Variants in CCDC28A observed in about 807,000 individuals in gnomAD.
CCDC28A encodes the protein coiled-coil domain-containing protein 28A.
In CCDC28A, 24 loss-of-function variants were observed where a neutral mutation model predicts 22.1. That is an observed-to-expected ratio of 1.09 (90% CI 0.79 to 1.53). CCDC28A has a LOEUF of 1.53. Among genes scored for constraint, CCDC28A ranks in the 40% most tolerant of loss-of-function variants. The pLI, the probability that CCDC28A is intolerant of heterozygous loss-of-function variation, is 0.00. For synonymous variants in CCDC28A, 83 were observed against 74.7 expected, an observed-to-expected ratio of 1.11 and a Z score of -0.57; for missense variants, 170 against 210.7, an observed-to-expected ratio of 0.81 and a Z score of 1.20.
At chr6:138,788,431 C>T (rs755300304) in intron 5 of CCDC28A, 43 bp downstream of exon 5, 14 of 1,000,990 alleles carry the variant, frequency 1.4e-5, no homozygotes, top group Non-Finnish European at 1.9e-5. Flanking sequence ...TTACAACTTA[C>T]AATTTCTGGT....
intron 2 of CCDC28A, among the ~76,000 whole-genome samples, chr6:138,779,111 A>G (rs1328167208): frequency 1.3e-5 from 2 of 152,154 alleles, no homozygotes; most frequent in African/African-American, 4.8e-5. Context: ...ATCTGATTTT[A>G]CTTTTTGGAA....
chr6:138,782,536 G>A (rs1438217167), intron 3 of CCDC28A, among the ~76,000 whole-genome samples: 1 of 129,474 alleles, frequency 7.7e-6, no homozygotes, highest in Admixed American at 9.4e-5. Context: ...ACCTAGATCC[G>A]TCCTCTGACT....
At chr6:138,788,282 T>C in intron 4 of CCDC28A, 84 bp from the exon 5 acceptor site, 1 of 520,332 alleles carries the variant, frequency 1.9e-6, no homozygotes, top group South Asian at 3.6e-5. Context: ...AAATGAAAAA[T>C]AATTTATTTA....
At chr6:138,790,017 A>G (rs1775146854) in intron 5 of CCDC28A, among the ~76,000 whole-genome samples, 1 of 152,226 alleles carries the variant, frequency 6.6e-6, no homozygotes, top group Admixed American at 6.5e-5. Flanking sequence ...TTGTCAAGAA[A>G]GAGTTAAAGA....
In CCDC28A at chr6:138,776,099, G is replaced by T; in HGVS notation, c.-22G>T. On this transcript the variant is annotated 5_prime_UTR_variant, in exon 2 of 6. Coordinates refer to ENST00000617445, the MANE Select transcript of CCDC28A (RefSeq NM_015439.3). ...TTTAGGTCTTAAGAAGCTGGCCGTG[G>T]TGCAATAAGGAACTTAAAACAATGG... is the stretch of plus-strand genomic sequence containing the variant. The T allele has an allele frequency of 1.2e-6, 2 of 1,613,912 alleles. No individual in the cohort carries two copies. The highest frequency in any genetic ancestry group is 1.7e-6 in the Non-Finnish European group (2 of 1,179,864).
At chr6:138,790,691 C>T (rs1775158447) in intron 5 of CCDC28A, among the ~76,000 whole-genome samples, 6 of 152,194 alleles carry the variant, frequency 3.9e-5, no homozygotes. Flanking sequence ...CTTTCCCCTC[C>T]TAATTTCCCT....
At chr6:138,792,642 T>C (rs1775188852) in intron 5 of CCDC28A, 107 bp from the exon 6 acceptor site, 3 of 734,826 alleles carry the variant, frequency 4.1e-6, no homozygotes, top group Non-Finnish European at 7.1e-6. Flanking sequence ...CCTTTGAACA[T>C]ATCTCTTTTT....
intron 5 of CCDC28A, among the ~76,000 whole-genome samples, 175 bp downstream of exon 5, chr6:138,788,563 C>CTTTTTTTTTT (rs1775126559): frequency 1.1e-5 from 1 of 91,746 alleles, no homozygotes; most frequent in African/African-American, 4.1e-5. Context: ...TCTCTTTTTT[C>CTTTTTTTTTT]TTTTCTTTTT....
At chr6:138,790,817 GATATGA>G (rs1775159409) in intron 5 of CCDC28A, among the ~76,000 whole-genome samples, 1 of 152,146 alleles carries the variant, frequency 6.6e-6, no homozygotes, top group Non-Finnish European at 1.5e-5. Flanking sequence ...CCTGGATCTG[GATATGA>G]AGTCTGTTTG....
chr6:138,787,588 A>T (rs1048366081), intron 4 of CCDC28A, among the ~76,000 whole-genome samples: 87 of 151,852 alleles, frequency 5.7e-4, no homozygotes, highest in Non-Finnish European at 2.5e-4. Flanking sequence ...TAAAATGGCA[A>T]TTTTTTTTCT....
rs202215382 is a variant in CCDC28A at position 138,792,741 on chromosome 6, T to G, written c.501-8T>G. 1.3e-6 allele frequency: 2 copies of G among 1,582,902 alleles called. No homozygotes were observed. The highest frequency in any genetic ancestry group is 1.1e-5 in the South Asian group (1 of 90,362). On this transcript the variant is annotated splice_polypyrimidine_tract_variant and splice_region_variant and intron_variant, in intron 5 of 5. Coordinates refer to ENST00000617445, the MANE Select transcript of CCDC28A (RefSeq NM_015439.3). ...TAGAATGAAAATCTTCTTAACTGAT[T>G]AATTCAGACAAAAACTCCATTTGGC...
Position 138,785,400 on chromosome 6 carries a change from C to T in CCDC28A, c.477+19C>T, listed in dbSNP as rs141328613. ...GTCAGATGTAAGTGTAATTCTTTTT[C>T]TTTGTTCTTTAAAAAAAAATTTTTG... On this transcript the variant is annotated intron_variant, in intron 4 of 5. Coordinates refer to ENST00000617445, the MANE Select transcript of CCDC28A (RefSeq NM_015439.3). 38,873 of 1,573,700 alleles carry T rather than the reference C, an allele frequency of 0.025. 557 individuals are homozygous for T. The highest frequency in any genetic ancestry group is 0.029 in the Non-Finnish European group (33,800 of 1,161,920).
chr6:138,778,169 C>T (rs1010300209), intron 2 of CCDC28A, among the ~76,000 whole-genome samples: 7 of 152,110 alleles, frequency 4.6e-5, no homozygotes, highest in African/African-American at 1.4e-4. Context: ...ACCTACTTTC[C>T]CTGGGCATAT....
rs1435320758 is a variant in CCDC28A at position 138,776,272 on chromosome 6, T to A, written c.152T>A (p.Leu51Ter). 1.9e-6 allele frequency: 3 copies of A among 1,611,104 alleles called. No homozygotes were observed. Among genetic ancestry groups the A allele is most frequent in the Non-Finnish European group, 2.5e-6 (3 of 1,177,378 alleles). ...CAGTCAACTTCACAGCGACCAAAGT[T>A]AAAAAGGTGAATTCTTTTATTTTAC... Reference protein sequence around the residue: ...ASQSTSQRPKLKRVMKEKTKP... With the variant: ...ASQSTSQRPK Residue 51 changes from leucine (L) to a stop codon, truncating the protein, a stop_gained, in exon 2 of 6, where the codon TTA becomes TAA. Transcript: ENST00000617445. LOFTEE classifies it high-confidence loss of function.
intron 1 of CCDC28A, among the ~76,000 whole-genome samples, chr6:138,774,114 G>GT (rs1774887946): frequency 6.6e-6 from 1 of 152,132 alleles, no homozygotes; most frequent in Non-Finnish European, 1.5e-5. Flanking sequence ...ACTATGAGCA[G>GT]TTTACTTATT....
rs1242439682 is a variant in CCDC28A at position 138,792,827 on chromosome 6, G to A, written c.*24G>A. The A allele has an allele frequency of 6.5e-7, 1 of 1,540,330 alleles. No homozygotes were observed. Among genetic ancestry groups the A allele is most frequent in the African/African-American group, 1.4e-5 (1 of 73,544 alleles). ...AAAATGAAATGTAGTTTGCTTTCTT[G>A]TGATTTGAAGAGAAGCAGCAGTCTT... is the stretch of plus-strand genomic sequence containing the variant. On this transcript the variant is annotated 3_prime_UTR_variant, in exon 6 of 6. Transcript: ENST00000617445.
chr6:138,787,555 A>G (rs985504693), intron 4 of CCDC28A, among the ~76,000 whole-genome samples: 27 of 152,316 alleles, frequency 1.8e-4, no homozygotes, highest in African/African-American at 6.3e-4. Flanking sequence ...GTAATCTATG[A>G]TGGTTTTAAA....
chr6:138,792,363 C>T (rs989192596), intron 5 of CCDC28A, among the ~76,000 whole-genome samples: 1 of 152,074 alleles, frequency 6.6e-6, no homozygotes, highest in Non-Finnish European at 1.5e-5. Context: ...ACTCCTCCCC[C>T]ATCTCTAACA....
chr6:138,780,663 C>T (rs1775004477), intron 3 of CCDC28A, among the ~76,000 whole-genome samples: 1 of 151,050 alleles, frequency 6.6e-6, no homozygotes, highest in South Asian at 2.1e-4. Flanking sequence ...CAACCTCCAC[C>T]TCTCGGGTTC....
Sources: allele counts gnomAD v4.1 joint callset (sites outside exome capture counted in the v4.1 genomes callset), GRCh38; gene constraint gnomAD v4.1.1; transcripts MANE v1.5; gene names NCBI Gene and HGNC (gene_info 2026-07-23, HGNC 2026-07-21).